Variants in SEZ6L observed in about 807,000 individuals in gnomAD.
SEZ6L encodes seizure related 6 homolog like, also known as seizure 6-like protein.
SEZ6L carries 37 observed loss-of-function variants against 106.2 expected under a neutral mutation model. The ratio of observed to expected loss-of-function variants is 0.35; its 90% confidence interval spans 0.27 to 0.46. The LOEUF (loss-of-function observed/expected upper bound fraction) is 0.46, where lower values mean the gene tolerates loss of function less well. Ranked by LOEUF, SEZ6L falls within the 20% of genes least tolerant of loss-of-function variation. The pLI is 1.00. For synonymous variants in SEZ6L, 541 were observed against 570.4 expected (o/e 0.95, Z 0.73); for missense variants, 1,172 against 1,332.8 (o/e 0.88, Z 1.88).
Position 26,185,625 on chromosome 22 carries a change from G to A in SEZ6L, c.94+15862G>A, listed in dbSNP as rs1182365633. ...TCAGTAAACTTCACCTGGATGATTC[G>A]ACCCCCAAGCCATGACCTTTTATGA... On this transcript the variant is annotated intron_variant, in intron 1 of 16. Coordinates refer to ENST00000248933, the MANE Select transcript of SEZ6L (RefSeq NM_021115.5). 3.3e-5 allele frequency among the ~76,000 whole-genome samples: 5 copies of A among 152,054 alleles called. No homozygotes were observed. In the South Asian group the frequency reaches 6.2e-4, roughly 19 times the overall value.
chr22:26,179,199 G>C (rs1939222079), intron 1 of SEZ6L, among the ~76,000 whole-genome samples: 1 of 152,090 alleles, frequency 6.6e-6, no homozygotes, highest in South Asian at 2.1e-4. Flanking sequence ...GACCAGCCTG[G>C]GCAACATGGC....
chr22:26,188,619 G>A (rs12158026), intron 1 of SEZ6L, among the ~76,000 whole-genome samples: 2,312 of 152,260 alleles, frequency 0.015, 59 homozygotes, highest in African/African-American at 0.053. Context: ...TGTACTGAGC[G>A]GGTACTATGC....
intron 1 of SEZ6L, among the ~76,000 whole-genome samples, chr22:26,247,152 A>C (rs984222357): frequency 6.6e-6 from 1 of 152,204 alleles, no homozygotes; most frequent in Non-Finnish European, 1.5e-5. Flanking sequence ...CACCAGGCAC[A>C]CTTAAGATTC....
At chr22:26,343,867 C>T (rs374211189) in intron 10 of SEZ6L, among the ~76,000 whole-genome samples, 31 of 152,294 alleles carry the variant, frequency 2.0e-4, no homozygotes, top group African/African-American at 7.5e-4. Context: ...TAGCTAATTG[C>T]GATACCACTC....
At chr22:26,287,163 C>A (rs2080963239) in intron 1 of SEZ6L, among the ~76,000 whole-genome samples, 2 of 151,826 alleles carry the variant, frequency 1.3e-5, no homozygotes, top group Non-Finnish European at 2.9e-5. Context: ...GCTGCCCCAA[C>A]TTGGATGGCA....
At chr22:26,322,787 C>A (rs1252866226) in intron 9 of SEZ6L, among the ~76,000 whole-genome samples, 1 of 152,176 alleles carries the variant, frequency 6.6e-6, no homozygotes, top group Non-Finnish European at 1.5e-5. Flanking sequence ...CTTCTTCACA[C>A]CCCAAATGCC....
intron 9 of SEZ6L, among the ~76,000 whole-genome samples, chr22:26,327,460 CCATA>C (rs1316202292): frequency 1.4e-5 from 2 of 147,770 alleles, no homozygotes; most frequent in Non-Finnish European, 3.0e-5. Flanking sequence ...ACACCACACA[CCATA>C]CACACACACC....
At chr22:26,362,642 G>A (rs555614627) in intron 12 of SEZ6L, among the ~76,000 whole-genome samples, 2 of 152,322 alleles carry the variant, frequency 1.3e-5, no homozygotes, top group African/African-American at 4.8e-5. Context: ...TGCTGGGCAT[G>A]AAGTAAGCAC....
intron 8 of SEZ6L, 145 bp from the exon 9 acceptor site, chr22:26,313,613 CACACGT>C: frequency 1.5e-6 from 1 of 683,760 alleles, no homozygotes; most frequent in African/African-American, 1.9e-5. Context: ...CGCACACACA[CACACGT>C]GCTGGCTGCC....
chr22:26,169,654 G>GC lies in SEZ6L; in HGVS notation c.-11dup. On this transcript the variant is annotated 5_prime_UTR_variant, in exon 1 of 17. Transcript: ENST00000248933. ...CCCGCCCCACAGCCAGCGGCTCCGC[G>GC]CCCCCTGCAGCCACGATGCCCGCGG... 8.0e-6 allele frequency: 9 copies of GC among 1,130,742 alleles called. No homozygotes were observed. Among genetic ancestry groups the GC allele is most frequent in the South Asian group, 2.1e-5 (1 of 47,038 alleles). 70.0% of individuals were successfully genotyped at this position (1,130,742 alleles called of 1,614,324 possible). A position where few individuals can be genotyped will look rare whatever the true frequency, so the allele number is the denominator to read the frequency against.
chr22:26,256,861 T>G (rs2079839270), intron 1 of SEZ6L, among the ~76,000 whole-genome samples: 1 of 151,840 alleles, frequency 6.6e-6, no homozygotes, highest in Non-Finnish European at 1.5e-5. Flanking sequence ...ATGGAGGGAG[T>G]TTGTCATCGG....
chr22:26,169,598 C>A lies in SEZ6L; in HGVS notation c.-72C>A. 1 of 527,102 alleles carries A rather than the reference C, an allele frequency of 1.9e-6. No homozygotes were observed. The highest frequency in any genetic ancestry group is 3.0e-6 in the Non-Finnish European group (1 of 328,170). The allele number at this position is 527,102 out of a possible 1,614,324, so 32.7% of individuals were successfully genotyped here. A position where few individuals can be genotyped will look rare whatever the true frequency, so the allele number is the denominator to read the frequency against. On this transcript the variant is annotated 5_prime_UTR_variant, in exon 1 of 17. Coordinates refer to ENST00000248933, the MANE Select transcript of SEZ6L (RefSeq NM_021115.5). Reference sequence around the variant, plus strand: ...CCGCTTCCCCTTTCTCGCTCACCGCCGCCCTCCTTCCCCAGCTCCCTCGCC... The same window carrying A: ...CCGCTTCCCCTTTCTCGCTCACCGCAGCCCTCCTTCCCCAGCTCCCTCGCC...
chr22:26,227,583 ATT>A (rs11415829), intron 1 of SEZ6L, among the ~76,000 whole-genome samples: 1 of 140,006 alleles, frequency 7.1e-6, no homozygotes. Flanking sequence ...CTAATTTTTA[ATT>A]TTTTTTTTTT....
chr22:26,292,736 T>A lies in SEZ6L; in HGVS notation c.425T>A (p.Val142Asp). The change falls in exon 2 of 17, where the codon GTC (valine) becomes GAC (aspartate). Residue 142 changes from valine to aspartate, a missense_variant. This residue lies in a region of SEZ6L where 494 missense variants were observed against 445.8 expected (regional missense o/e 1.11). Coordinates refer to ENST00000248933, the MANE Select transcript of SEZ6L (RefSeq NM_021115.5). ...CCCAAGGCCACCTCCGCAGCCACTG[T>A]CCAAAGGGCAGGGTCCCAGCCAGCG... ...LRPKATSAAT[V>D]QRAGSQPASQ... 1.9e-6 allele frequency: 3 copies of A among 1,613,994 alleles called. No individual in the cohort carries two copies. Among genetic ancestry groups the A allele is most frequent in the Non-Finnish European group, 2.5e-6 (3 of 1,179,972 alleles).
chr22:26,208,665 G>A (rs1452346728), intron 1 of SEZ6L, among the ~76,000 whole-genome samples: 1 of 151,756 alleles, frequency 6.6e-6, no homozygotes, highest in Non-Finnish European at 1.5e-5. Context: ...TTTATTTTAG[G>A]TTTTTAGTAG....
intron 9 of SEZ6L, among the ~76,000 whole-genome samples, chr22:26,316,834 G>C (rs1032720564): frequency 5.3e-5 from 7 of 132,744 alleles, no homozygotes; most frequent in African/African-American, 1.7e-4. Context: ...TCTGAAAAAA[G>C]AAAGAAAGAA....
intron 13 of SEZ6L, 75 bp from the exon 14 acceptor site, chr22:26,373,376 A>T (rs1037162476): frequency 3.0e-6 from 4 of 1,347,914 alleles, no homozygotes; most frequent in Middle Eastern, 1.9e-4. Context: ...TTTGCATCAA[A>T]TTTTTTGGCC....
chr22:26,221,735 C>T (rs1371121069), intron 1 of SEZ6L, among the ~76,000 whole-genome samples: 2 of 135,674 alleles, frequency 1.5e-5, no homozygotes, highest in African/African-American at 2.9e-5. Context: ...CGCGTGCACA[C>T]GCGTGCACAC....
At chr22:26,331,468 T>C (rs1336931878) in intron 9 of SEZ6L, among the ~76,000 whole-genome samples, 1 of 152,222 alleles carries the variant, frequency 6.6e-6, no homozygotes, top group Non-Finnish European at 1.5e-5. Flanking sequence ...ATTACTTTCT[T>C]ATGTATCTTA....
Sources: allele counts gnomAD v4.1 joint callset (sites outside exome capture counted in the v4.1 genomes callset), GRCh38; gene constraint gnomAD v4.1.1; regional missense constraint gnomAD v4.1.1; transcripts MANE v1.5; gene names NCBI Gene and HGNC (gene_info 2026-07-23, HGNC 2026-07-21).